The following RP1 variants were observed in gnomAD, a reference collection of about 807,000 sequenced individuals.
RP1 encodes RP1 axonemal microtubule associated, also known as oxygen-regulated protein 1.
RP1 carries 16 observed loss-of-function variants against 14.8 expected under a neutral mutation model. The observed-to-expected ratio is 1.08, with a 90% confidence interval of 0.73 to 1.65. The LOEUF is 1.65. RP1 is among the 40% of genes most tolerant of loss of function. The pLI, the probability that RP1 is intolerant of heterozygous loss-of-function variation, is 0.00. For synonymous variants in RP1, 876 were observed against 883.6 expected, an observed-to-expected ratio of 0.99 and a Z score of 0.15; for missense variants, 2,631 against 2,535.0, an observed-to-expected ratio of 1.04 and a Z score of -0.81.
At chr8:54,658,192 T>C (rs1806796619) in intron 6 of RP1, among the ~76,000 whole-genome samples, 2 of 152,228 alleles carry the variant, frequency 1.3e-5, no homozygotes, top group South Asian at 4.1e-4. Flanking sequence ...TGTCCTTTTG[T>C]GACTGGTTTA....
chr8:54,814,437 G>A (rs1466216426), intron 24 of RP1, among the ~76,000 whole-genome samples: 1 of 152,180 alleles, frequency 6.6e-6, no homozygotes, highest in African/African-American at 2.4e-5. Context: ...TATATAACAT[G>A]GAGTGGTTGC....
chr8:54,744,329 G>T (rs1315416394), intron 19 of RP1, among the ~76,000 whole-genome samples: 1 of 152,136 alleles, frequency 6.6e-6, no homozygotes, highest in East Asian at 1.9e-4. Flanking sequence ...AGAGGGCAAG[G>T]GAGCTCCCTA....
intron 3 of RP1, among the ~76,000 whole-genome samples, chr8:54,648,832 A>T (rs1267682378): frequency 1.3e-5 from 2 of 152,216 alleles, no homozygotes; most frequent in Non-Finnish European, 2.9e-5. Flanking sequence ...TTTAAATTCC[A>T]AATATAAATC....
At chr8:54,787,315 C>G (rs1261417526) in intron 24 of RP1, among the ~76,000 whole-genome samples, 1 of 152,100 alleles carries the variant, frequency 6.6e-6, no homozygotes, top group East Asian at 1.9e-4. Flanking sequence ...AGAACAGGGA[C>G]TAGACCTAGT....
In RP1 at chr8:54,734,745, G is replaced by A; in HGVS notation, c.2721+1G>A. On this transcript the variant is annotated splice_donor_variant, in intron 18 of 22. Coordinates refer to the RP1 transcript ENST00000636932. LOFTEE classifies it high-confidence loss of function. ...TCCAGGACACGAGGATGAGTTTCAG[G>A]TAAACAACACTGGCAGTAATATTTT... 2.6e-6 allele frequency: 4 copies of A among 1,526,896 alleles called. No individual in the cohort carries two copies. The highest frequency in any genetic ancestry group is 2.4e-5 in the South Asian group (2 of 83,072). 94.6% of individuals were successfully genotyped at this position (1,526,896 alleles called of 1,614,324 possible). A position where few individuals can be genotyped will look rare whatever the true frequency, so the allele number is the denominator to read the frequency against.
intron 24 of RP1, among the ~76,000 whole-genome samples, chr8:54,784,892 C>G (rs1410011554): frequency 6.6e-6 from 1 of 152,044 alleles, no homozygotes; most frequent in South Asian, 2.1e-4. Context: ...ACATTCATAT[C>G]ATAACATTCA....
intron 1 of RP1, among the ~76,000 whole-genome samples, chr8:54,619,742 T>A (rs895968699): frequency 6.6e-6 from 1 of 152,256 alleles, no homozygotes; most frequent in Non-Finnish European, 1.5e-5. Flanking sequence ...ACATTTTTGC[T>A]TAGTGCAGTG....
intron 23 of RP1, among the ~76,000 whole-genome samples, chr8:54,778,352 T>G: frequency 7.1e-6 from 1 of 139,902 alleles, no homozygotes; most frequent in Non-Finnish European, 1.5e-5. Flanking sequence ...TGAGATGGAG[T>G]CTCACTCTGT....
chr8:54,849,410 A>G (rs1585745232), intron 25 of RP1, among the ~76,000 whole-genome samples: 1 of 152,186 alleles, frequency 6.6e-6, no homozygotes, highest in Non-Finnish European at 1.5e-5. Context: ...CTTCTAGTGA[A>G]AAATCCTATC....
At chr8:54,775,031 C>G (rs1193357724) in intron 23 of RP1, among the ~76,000 whole-genome samples, 1 of 151,802 alleles carries the variant, frequency 6.6e-6, no homozygotes, top group Non-Finnish European at 1.5e-5. Context: ...CTGGGTTCTA[C>G]TCACCCACTG....
chr8:54,647,180 C>T (rs1806568430), intron 3 of RP1, among the ~76,000 whole-genome samples: 1 of 151,952 alleles, frequency 6.6e-6, no homozygotes, highest in Non-Finnish European at 1.5e-5. Flanking sequence ...CTTTGAGGGG[C>T]CAAGGTGGGT....
intron 1 of RP1, among the ~76,000 whole-genome samples, chr8:54,619,563 C>T (rs1805806017): frequency 6.6e-6 from 1 of 152,230 alleles, no homozygotes; most frequent in Admixed American, 6.5e-5. Context: ...ATTTGTCAGT[C>T]AAACTCCAGT....
chr8:54,798,099 C>T (rs1317640753), intron 24 of RP1, among the ~76,000 whole-genome samples: 1 of 151,986 alleles, frequency 6.6e-6, no homozygotes, highest in African/African-American at 2.4e-5. Context: ...CTGCAACCTC[C>T]GCCTCCTGGG....
chr8:54,599,528 G>A (rs1000324062), intron 1 of RP1, among the ~76,000 whole-genome samples: 2 of 151,546 alleles, frequency 1.3e-5, no homozygotes, highest in Admixed American at 1.3e-4. Context: ...GCACCGTCTC[G>A]GCTCACTGCA....
At chr8:54,603,203 T>C (rs540286733) in intron 1 of RP1, among the ~76,000 whole-genome samples, 79 of 152,238 alleles carry the variant, frequency 5.2e-4, no homozygotes, top group Middle Eastern at 3.4e-3. Context: ...CCATCTTGAA[T>C]TAATTTTTGT....
exon 29 of RP1, chr8:54,870,009 A>G (rs1812552833): frequency 1.3e-6 from 1 of 752,702 alleles, no homozygotes. Flanking sequence ...GTGATAGTGC[A>G]TTTGTCTTTT....
intron 16 of RP1, among the ~76,000 whole-genome samples, chr8:54,720,639 T>C (rs1283859223): frequency 6.6e-6 from 1 of 152,216 alleles, no homozygotes; most frequent in Non-Finnish European, 1.5e-5. Flanking sequence ...GATGAGGCTG[T>C]TAGAAATATT....
intron 25 of RP1, among the ~76,000 whole-genome samples, chr8:54,850,365 C>A (rs1286470225): frequency 2.0e-5 from 3 of 152,198 alleles, no homozygotes; most frequent in Non-Finnish European, 4.4e-5. Flanking sequence ...ATTTTAAGTT[C>A]TCTTCTTACA....
chr8:54,785,408 C>T (rs1186591836), intron 24 of RP1, among the ~76,000 whole-genome samples: 15 of 152,006 alleles, frequency 9.9e-5, no homozygotes, highest in Admixed American at 6.6e-4. Flanking sequence ...TTTTATTTAT[C>T]CATTTACCAG....
Sources: allele counts gnomAD v4.1 joint callset (sites outside exome capture counted in the v4.1 genomes callset), GRCh38; gene constraint gnomAD v4.1.1; transcripts MANE v1.5; gene names NCBI Gene and HGNC (gene_info 2026-07-23, HGNC 2026-07-21).